The following FLNB variants were observed in gnomAD, a reference collection of about 807,000 sequenced individuals.
The protein encoded by FLNB is filamin-B.
In FLNB, 111 loss-of-function variants were observed where a neutral mutation model predicts 250.6. The ratio of observed to expected loss-of-function variants is 0.44; its 90% CI spans 0.38 to 0.52. The LOEUF (loss-of-function observed/expected upper bound fraction) is 0.52. Ranked by LOEUF, FLNB falls within the 20% of genes least tolerant of loss-of-function variation. The pLI, the probability that FLNB is intolerant of heterozygous loss-of-function variation, is 0.00. For synonymous variants in FLNB, 1,302 were observed against 1,372.1 expected, an observed-to-expected ratio of 0.95 and a Z score of 1.13; for missense variants, 2,869 against 3,447.8, an observed-to-expected ratio of 0.83 and a Z score of 4.20.
At position 58,125,753 on chromosome 3, in the gene FLNB, GC is replaced by G. The variant is rs753183384; in HGVS notation, c.4061+13del. On this transcript the variant is annotated intron_variant, in intron 23 of 45. Coordinates refer to ENST00000295956, the MANE Select transcript of FLNB (RefSeq NM_001457.4). ...TCACCGTGGTTACCAGGTAGGCAAG[GC>G]CCTACATTTGGTGTCTTGAGTCTCA... 2.4e-5 allele frequency: 38 copies of G among 1,613,848 alleles called. No individual in the cohort carries two copies. The highest frequency in any genetic ancestry group is 1.1e-4 in the African/African-American group (8 of 75,028).
Position 58,169,835 on chromosome 3 carries a change from C to CGGGGGT in FLNB, c.7621+42_7621+43insGGGGGT. On this transcript the variant is annotated intron_variant, in intron 45 of 45. Coordinates refer to ENST00000295956, the MANE Select transcript of FLNB (RefSeq NM_001457.4). The surrounding 1 kb of genome is among the most constrained non-coding windows in gnomAD (Gnocchi z 4.8). ...TTTCAAGGGTGGGGTGGGGCAGGGG[C>CGGGGGT]AGGCTGGGCACCCTGGGTACACTGG... The CGGGGGT allele has an allele frequency of 6.9e-7, 1 of 1,440,140 alleles. No individual in the cohort carries two copies. The highest frequency in any genetic ancestry group is 9.7e-7 in the Non-Finnish European group (1 of 1,027,848). 89.2% of individuals were successfully genotyped at this position (1,440,140 alleles called of 1,614,324 possible).
Position 58,123,432 on chromosome 3 carries a change from G to A in FLNB, c.3466G>A (p.Val1156Ile), listed in dbSNP as rs771189591. Reference sequence around the variant, plus strand: ...GGTGGGTGAAGCTGGCCTCCTTAGCGTCGACTGCTCGGAAGCGGGACCGGG... The same window carrying A: ...GGTGGGTGAAGCTGGCCTCCTTAGCATCGACTGCTCGGAAGCGGGACCGGG... ...GKVGEAGLLS[V>I]DCSEAGPGAL... Residue 1156 changes from valine (V) to isoleucine (I), a missense_variant, in exon 21 of 46, where the codon GTC (valine) becomes ATC (isoleucine). This residue lies in a region of FLNB where 1,348 missense variants were observed against 1,466.7 expected (regional missense o/e 0.92). Transcript: ENST00000295956. The A allele has an allele frequency of 7.4e-6, 12 of 1,612,804 alleles. No homozygotes were observed. Among genetic ancestry groups the A allele is most frequent in the South Asian group, 2.2e-5 (2 of 91,044 alleles).
intron 1 of FLNB, among the ~76,000 whole-genome samples, chr3:58,035,167 T>G (rs942547266): frequency 1.6e-4 from 24 of 152,220 alleles, no homozygotes; most frequent in African/African-American, 5.8e-4. Context: ...ACAGGCTGTG[T>G]GACTTAGGGT....
chr3:58,009,103 G>A (rs530756756), intron 1 of FLNB, among the ~76,000 whole-genome samples: 3 of 152,214 alleles, frequency 2.0e-5, no homozygotes, highest in Non-Finnish European at 4.4e-5. Flanking sequence ...AAGGGTTGAG[G>A]GTTTGGGCTG....
At chr3:58,149,643 G>T in intron 36 of FLNB, 2 of 618,304 alleles carry the variant, frequency 3.2e-6, no homozygotes, top group Non-Finnish European at 5.7e-6. Flanking sequence ...TCAAAACCAG[G>T]TTCAGCAGGT....
intron 1 of FLNB, among the ~76,000 whole-genome samples, chr3:58,042,642 G>A (rs975331649): frequency 7.9e-5 from 12 of 152,014 alleles, no homozygotes; most frequent in African/African-American, 2.7e-4. Flanking sequence ...AGCCTCCCAA[G>A]TAGCTGGGAG....
In FLNB at chr3:58,132,610, C is replaced by T. The variant is rs553066848; in HGVS notation, c.4391-198C>T. ...CCAACAAAAAGCTAAAGGTGTCTCT[C>T]GGGGTCATTTCTGCAACCATGAATT... On this transcript the variant is annotated intron_variant, in intron 25 of 45. Coordinates refer to ENST00000295956, the MANE Select transcript of FLNB (RefSeq NM_001457.4). 40 of 668,700 alleles carry T rather than the reference C, an allele frequency of 6.0e-5. No homozygotes were observed. The East Asian group carries it at 7.3e-4, about 12-fold the overall frequency. The allele number at this position is 668,700 out of a possible 1,614,324, so 41.4% of individuals were successfully genotyped here. A position where few individuals can be genotyped will look rare whatever the true frequency, so the allele number is the denominator to read the frequency against.
In FLNB at chr3:58,123,179, A is replaced by C; in HGVS notation, c.3213A>C (p.Gly1071=). 4 of 1,613,914 alleles carry C rather than the reference A, an allele frequency of 2.5e-6. No homozygotes were observed. The highest frequency in any genetic ancestry group is 3.4e-6 in the Non-Finnish European group (4 of 1,179,860). The change falls in exon 21 of 46, where the codon GGA becomes GGC. Residue 1071 remains glycine, a synonymous_variant. Coordinates refer to ENST00000295956, the MANE Select transcript of FLNB (RefSeq NM_001457.4). ...FTIDTKGAGT[G]GLGLTVEGPC... ...TCGATACCAAAGGAGCTGGTACTGGAGGTCTGGGCTTAACGGTGGAAGGTC... is the reference window on the plus strand; with the variant it reads ...TCGATACCAAAGGAGCTGGTACTGGCGGTCTGGGCTTAACGGTGGAAGGTC...
At chr3:58,038,914 T>A (rs1359542322) in intron 1 of FLNB, among the ~76,000 whole-genome samples, 3 of 152,120 alleles carry the variant, frequency 2.0e-5, no homozygotes, top group African/African-American at 7.2e-5. Flanking sequence ...CAACCTGTTG[T>A]ATCTTTGTTT....
At chr3:58,109,349 G>GT in intron 14 of FLNB, 27 bp downstream of exon 14, 2 of 1,606,578 alleles carry the variant, frequency 1.2e-6, no homozygotes, top group South Asian at 2.2e-5. Flanking sequence ...AATCCTGGCT[G>GT]TTTTATGGAA....
At chr3:58,093,661 C>CA (rs1426634430) in intron 4 of FLNB, among the ~76,000 whole-genome samples, 1 of 146,494 alleles carries the variant, frequency 6.8e-6, no homozygotes, top group Non-Finnish European at 1.5e-5. Context: ...ACACACACAC[C>CA]CCTATGCACA....
intron 22 of FLNB, 70 bp downstream of exon 22, chr3:58,124,575 G>C: frequency 6.5e-7 from 1 of 1,527,876 alleles, no homozygotes; most frequent in African/African-American, 1.4e-5. Context: ...CTGGTGGCTG[G>C]TACTGATGCC....
At chr3:58,096,583 A>C (rs1325474142) in intron 6 of FLNB, among the ~76,000 whole-genome samples, 1 of 152,094 alleles carries the variant, frequency 6.6e-6, no homozygotes, top group Admixed American at 6.5e-5. Flanking sequence ...GTCTCAGCTC[A>C]CTGCAACCCC....
intron 1 of FLNB, among the ~76,000 whole-genome samples, chr3:58,052,302 C>T (rs573615946): frequency 6.6e-6 from 1 of 152,244 alleles, no homozygotes; most frequent in South Asian, 2.1e-4. Context: ...ATTAGTACCA[C>T]CATATGAGGG....
Position 58,064,297 on chromosome 3 carries a change from C to T in FLNB, c.293-12749C>T, listed in dbSNP as rs369338917. Among the ~76,000 whole-genome samples, 37 of 152,226 alleles carry T rather than the reference C, an allele frequency of 2.4e-4. No homozygotes were observed. In the Middle Eastern group the frequency reaches 0.02, roughly 84 times the overall value. ...CTGGAACTACAGGCACTCACCACCA[C>T]GCCCAACTAATTTTCGTATTTTTAG... On this transcript the variant is annotated intron_variant, in intron 1 of 45. Coordinates refer to ENST00000295956, the MANE Select transcript of FLNB (RefSeq NM_001457.4).
At chr3:58,136,238 C>A in intron 28 of FLNB, 70 bp downstream of exon 28, 1 of 1,491,442 alleles carries the variant, frequency 6.7e-7, no homozygotes, top group South Asian at 1.2e-5. Context: ...TAGCCCTTCT[C>A]TGTGACTTAC....
At chr3:58,112,061 C>T (rs919475988) in intron 17 of FLNB, 88 bp from the exon 18 acceptor site, 14 of 1,341,870 alleles carry the variant, frequency 1.0e-5, no homozygotes, top group Admixed American at 3.4e-5. Context: ...TCATAATAGA[C>T]CTGGTGCTGT....
At chr3:58,163,077 C>G in intron 42 of FLNB, 77 bp from the exon 43 acceptor site, 1 of 1,456,234 alleles carries the variant, frequency 6.9e-7, no homozygotes, top group South Asian at 1.1e-5. Context: ...TCAGCTTGGC[C>G]TCCATCCTTT....
rs543491578 is a variant in FLNB, at chr3:58,171,166, A to T, written c.*404A>T. ...GGGAAGATGGGCAGAGAAAAAGGGG[A>T]CACCTAGTTTGGTTGTCATTTGGCA... On this transcript the variant is annotated 3_prime_UTR_variant, in exon 46 of 46. Transcript: ENST00000295956. This position sits in a 1 kb window ranked among gnomAD's most constrained non-coding sequence, Gnocchi z 5.5. The T allele has an allele frequency of 1.7e-5, 4 of 229,990 alleles. No homozygotes were observed. The highest frequency in any genetic ancestry group is 5.2e-5 in the Admixed American group (1 of 19,202). The allele number at this position is 229,990 out of a possible 1,614,324, so 14.2% of individuals were successfully genotyped here.
Sources: allele counts gnomAD v4.1 joint callset (sites outside exome capture counted in the v4.1 genomes callset), GRCh38; gene constraint gnomAD v4.1.1; regional missense constraint gnomAD v4.1.1; non-coding constraint Gnocchi (gnomAD v3.1); transcripts MANE v1.5; gene names NCBI Gene and HGNC (gene_info 2026-07-23, HGNC 2026-07-21).